The following DAPK1 variants were observed in gnomAD, a reference collection of about 807,000 sequenced individuals.
The protein encoded by DAPK1 is death associated protein kinase 1, also known as death-associated protein kinase 1.
In DAPK1, 56 loss-of-function variants were observed where a neutral mutation model predicts 144.9. That is an observed-to-expected ratio of 0.39 (90% CI 0.31 to 0.48). The LOEUF is 0.48. Among genes scored for constraint, DAPK1 ranks in the 20% least tolerant of loss-of-function variants. DAPK1 has a pLI of 0.95. For missense variants in DAPK1, 1,454 were observed against 1,875.4 expected (o/e 0.78, Z 4.15); for synonymous variants, 690 against 749.0 (o/e 0.92, Z 1.29).
intron 2 of DAPK1, among the ~76,000 whole-genome samples, chr9:87,570,640 C>T (rs1293038117): frequency 2.0e-5 from 3 of 152,120 alleles, no homozygotes; most frequent in Non-Finnish European, 2.9e-5. Flanking sequence ...GGAGTGAAAA[C>T]CTGGCTTAAC....
At chr9:87,693,235 G>A (rs553635466) in intron 21 of DAPK1, among the ~76,000 whole-genome samples, 6 of 151,392 alleles carry the variant, frequency 4.0e-5, no homozygotes, top group African/African-American at 1.2e-4. Context: ...GCTTTATGGT[G>A]TCCCATATGT....
intron 19 of DAPK1, among the ~76,000 whole-genome samples, chr9:87,680,200 G>T (rs1430672915): frequency 6.6e-6 from 1 of 152,144 alleles, no homozygotes; most frequent in Non-Finnish European, 1.5e-5. Context: ...CACCTCCGAG[G>T]TTCACACCAT....
intron 17 of DAPK1, among the ~76,000 whole-genome samples, chr9:87,655,436 T>C (rs1489151387): frequency 2.6e-5 from 4 of 152,130 alleles, no homozygotes; most frequent in Admixed American, 1.3e-4. Flanking sequence ...AAGGCATCGC[T>C]TCCTACCAAA....
intron 2 of DAPK1, among the ~76,000 whole-genome samples, chr9:87,545,554 AT>A (rs1044222983): frequency 1.3e-5 from 2 of 151,562 alleles, no homozygotes; most frequent in African/African-American, 4.8e-5. Flanking sequence ...TTTAAAAAAA[AT>A]TTTTTTTTGA....
At chr9:87,548,666 C>T (rs1826353469) in intron 2 of DAPK1, among the ~76,000 whole-genome samples, 1 of 152,134 alleles carries the variant, frequency 6.6e-6, no homozygotes, top group African/African-American at 2.4e-5. Context: ...TTTGGGATAA[C>T]CATTTCTGAA....
chr9:87,515,571 G>A (rs1825019088), intron 2 of DAPK1, among the ~76,000 whole-genome samples: 1 of 152,164 alleles, frequency 6.6e-6, no homozygotes, highest in Non-Finnish European at 1.5e-5. Flanking sequence ...GGTTGGCTTA[G>A]TAGGAAGAAC....
At position 87,697,185 on chromosome 9, in the gene DAPK1, C is replaced by A. The variant is rs770566232; in HGVS notation, c.2592C>A (p.Val864=). Residue 864 remains valine (V), a synonymous_variant, in exon 22 of 26, where the codon GTC becomes GTA. Transcript: ENST00000408954. ...GGCTCAGTTTCCTGAAGTCCCTTGT[C>A]CCAGTTGAAGAACCCATAGGTGAGC... is the stretch of plus-strand genomic sequence containing the variant. ...IFWLSFLKSL[V]PVEEPIAFGG... 1 of 1,556,456 alleles carries A rather than the reference C, an allele frequency of 6.4e-7. No individual in the cohort carries two copies. The highest frequency in any genetic ancestry group is 8.9e-7 in the Non-Finnish European group (1 of 1,127,302).
chr9:87,639,253 T>G, intron 4 of DAPK1, 101 bp from the exon 5 acceptor site: 32 of 1,126,312 alleles, frequency 2.8e-5, no homozygotes, highest in Non-Finnish European at 3.2e-5. Context: ...CTTCCCTACT[T>G]TTTGGCCTTT....
intron 15 of DAPK1, 52 bp downstream of exon 15, chr9:87,648,931 GGC>G: frequency 2.0e-6 from 3 of 1,482,888 alleles, no homozygotes; most frequent in Non-Finnish European, 2.8e-6. Flanking sequence ...TGAATGTACA[GGC>G]AGCCAGATGG....
chr9:87,643,871 T>C (rs1830181721), intron 11 of DAPK1, among the ~76,000 whole-genome samples: 2 of 152,152 alleles, frequency 1.3e-5, no homozygotes, highest in African/African-American at 4.8e-5. Context: ...TTTCATGAAC[T>C]GTAGCCACTG....
chr9:87,561,254 T>C lies in DAPK1; in HGVS notation c.63-43700T>C, dbSNP rs541940431. 3.4e-3 allele frequency among the ~76,000 whole-genome samples: 521 copies of C among 152,040 alleles called. 9 individuals carry two copies. The highest frequency in any genetic ancestry group is 0.011 in the African/African-American group (454 of 41,522). On this transcript the variant is annotated intron_variant, in intron 2 of 25. Transcript: ENST00000408954. ...AATACACCAAATATGTGGCCGGGCG[T>C]AGTGGCTCACGCTTGTAATCCCAGC...
At position 87,706,146 on chromosome 9, in the gene DAPK1, A is replaced by G. The variant is rs774766738; in HGVS notation, c.3075A>G (p.Gln1025=). ...TCCCCCCGCAGATCAACATCATGCA[A>G]AGTGAAACAGTTCAGGACGTGCTGC... ...LHSTGEINIM[Q]SETVQDVLLL... Residue 1025 remains glutamine, a synonymous_variant, in exon 26 of 26, where the codon CAA becomes CAG. Coordinates refer to ENST00000408954, the MANE Select transcript of DAPK1 (RefSeq NM_004938.4). This position sits in a 1 kb window ranked among gnomAD's most constrained non-coding sequence, Gnocchi z 9.0. 28 of 1,595,500 alleles carry G rather than the reference A, an allele frequency of 1.8e-5. No individual in the cohort carries two copies. Among genetic ancestry groups the G allele is most frequent in the South Asian group, 1.4e-4 (13 of 89,944 alleles).
At chr9:87,682,062 T>C (rs1164100783) in intron 20 of DAPK1, among the ~76,000 whole-genome samples, 1 of 152,150 alleles carries the variant, frequency 6.6e-6, no homozygotes, top group Non-Finnish European at 1.5e-5. Context: ...TATCCTTCTT[T>C]CTGGAGTGCT....
Position 87,686,767 on chromosome 9 carries a change from A to T in DAPK1, c.2413+28A>T, listed in dbSNP as rs1318237955. 6.5e-7 allele frequency: 1 copy of T among 1,544,718 alleles called. No homozygotes were observed. The highest frequency in any genetic ancestry group is 1.1e-5 in the South Asian group (1 of 88,272). On this transcript the variant is annotated intron_variant, in intron 21 of 25. Coordinates refer to ENST00000408954, the MANE Select transcript of DAPK1 (RefSeq NM_004938.4). The surrounding 1 kb of genome is among the most constrained non-coding windows in gnomAD (Gnocchi z 4.2). Reference sequence around the variant, plus strand: ...ATGCCCTGCCTGCCCCAAGGGAAGGACCTCAGGTTTCCCTTCAACAGGGTT... The same window carrying T: ...ATGCCCTGCCTGCCCCAAGGGAAGGTCCTCAGGTTTCCCTTCAACAGGGTT...
At chr9:87,511,480 G>A (rs561532095) in intron 2 of DAPK1, among the ~76,000 whole-genome samples, 2 of 152,306 alleles carry the variant, frequency 1.3e-5, no homozygotes, top group South Asian at 2.1e-4. Context: ...ATGCATTTAA[G>A]GAAGCAGAGA....
At chr9:87,584,283 T>C (rs568115847) in intron 2 of DAPK1, among the ~76,000 whole-genome samples, 1 of 152,218 alleles carries the variant, frequency 6.6e-6, no homozygotes, top group Non-Finnish European at 1.5e-5. Context: ...TCTCTTGAAC[T>C]CATTTCTCTT....
chr9:87,565,225 G>A (rs1827074207), intron 2 of DAPK1, among the ~76,000 whole-genome samples: 1 of 152,172 alleles, frequency 6.6e-6, no homozygotes, highest in South Asian at 2.1e-4. Context: ...TTGAGAGCAT[G>A]AAAAACGAGT....
At position 87,678,761 on chromosome 9, in the gene DAPK1, T is replaced by C. The variant is rs528725451; in HGVS notation, c.2002-2643T>C. Among the ~76,000 whole-genome samples the C allele has an allele frequency of 4.9e-4, 74 of 152,188 alleles. 1 individual carries two copies. Among genetic ancestry groups the C allele is most frequent in the Admixed American group, 4.4e-3 (67 of 15,290 alleles). ...AGAATTCTTCGCTGTGAGGGGCATT[T>C]TGTTACAGGGTGTCTGGACACCCAG... On this transcript the variant is annotated intron_variant, in intron 19 of 25. Transcript: ENST00000408954.
intron 2 of DAPK1, among the ~76,000 whole-genome samples, chr9:87,562,016 G>T (rs1826945066): frequency 6.6e-6 from 1 of 152,150 alleles, no homozygotes; most frequent in Non-Finnish European, 1.5e-5. Context: ...CATCCAGACT[G>T]GGCCACAGGG....
Sources: gnomAD v4.1 joint callset for allele counts (sites outside exome capture counted in the v4.1 genomes callset) on GRCh38, gnomAD v4.1.1 for gene constraint, Gnocchi (gnomAD v3.1) non-coding constraint, MANE v1.5 for transcripts, NCBI Gene and HGNC (gene_info 2026-07-23, HGNC 2026-07-21) for gene names.